The following CPT1A variants were observed in gnomAD, a reference collection of about 807,000 sequenced individuals.
CPT1A encodes the protein carnitine palmitoyltransferase 1A, also known as carnitine O-palmitoyltransferase 1, liver isoform.
Under a neutral mutation model 100.8 loss-of-function variants are expected in CPT1A, and 64 were observed. That is an observed-to-expected ratio of 0.63 (90% confidence interval 0.52 to 0.78). The LOEUF is 0.78. CPT1A is among the 30% of genes least tolerant of loss of function. The probability of loss-of-function intolerance (pLI) is 0.00; values close to 1 mark genes in which losing one functional copy is unlikely to be tolerated. For synonymous variants in CPT1A, 363 were observed against 396.0 expected (o/e 0.92, Z 0.99); for missense variants, 802 against 1,034.1 (o/e 0.78, Z 3.08).
At chr11:68,783,782 G>A (rs1221900336) in intron 10 of CPT1A, among the ~76,000 whole-genome samples, 2 of 152,200 alleles carry the variant, frequency 1.3e-5, no homozygotes, top group African/African-American at 4.8e-5. Flanking sequence ...AGAGGTACCC[G>A]GCCCTGAGTG....
At position 68,813,144 on chromosome 11, in the gene CPT1A, C is replaced by T. The variant is rs545874499; in HGVS notation, c.142-568G>A. On this transcript the variant is annotated intron_variant, in intron 2 of 18. Coordinates refer to ENST00000265641, the MANE Select transcript of CPT1A (RefSeq NM_001876.4). ...GTGGGGATCTTTAATCAGTCCTCTT[C>T]ACTCTTGTGTATGTTTGACAACTCC... Among the ~76,000 whole-genome samples the T allele has an allele frequency of 4.3e-4, 65 of 152,020 alleles. 1 individual carries two copies. Among genetic ancestry groups the T allele is most frequent in the Middle Eastern group, 3.4e-3 (1 of 292 alleles).
At chr11:68,767,975 A>C (rs1854859150) in intron 14 of CPT1A, among the ~76,000 whole-genome samples, 1 of 150,806 alleles carries the variant, frequency 6.6e-6, no homozygotes, top group Admixed American at 6.6e-5. Context: ...AGGAAGGCAC[A>C]GGCCTGTCTC....
intron 14 of CPT1A, 44 bp downstream of exon 14, chr11:68,773,221 C>A (rs772365247): frequency 5.6e-6 from 9 of 1,611,262 alleles, no homozygotes; most frequent in Admixed American, 3.3e-5. Context: ...GGTGTAGGAA[C>A]CCCCAAAGTG....
chr11:68,804,932 T>C (rs1024937644), intron 4 of CPT1A, among the ~76,000 whole-genome samples: 1 of 152,180 alleles, frequency 6.6e-6, no homozygotes. Flanking sequence ...GTCACCTCAA[T>C]GGCAACCAAA....
rs1261725492 is a variant in CPT1A, at chr11:68,755,104, T to A, written c.*2540A>T. Reference sequence around the variant, plus strand: ...ACATGTACAATAAGACCCCTCTTTCTCCCCTCAAGGAATATAAAATTGCAT... The same window carrying A: ...ACATGTACAATAAGACCCCTCTTTCACCCCTCAAGGAATATAAAATTGCAT... On this transcript the variant is annotated 3_prime_UTR_variant, in exon 19 of 19. Coordinates refer to ENST00000265641, the MANE Select transcript of CPT1A (RefSeq NM_001876.4). 14 of 478,286 alleles carry A rather than the reference T, an allele frequency of 2.9e-5. No homozygotes were observed. Among genetic ancestry groups the A allele is most frequent in the Admixed American group, 1.8e-4 (5 of 28,112 alleles). 29.6% of individuals were successfully genotyped at this position (478,286 alleles called of 1,614,324 possible).
rs144276682 is a variant in CPT1A at position 68,837,155 on chromosome 11, T to C, written c.-14+4620A>G. On this transcript the variant is annotated intron_variant, in intron 1 of 18. Transcript: ENST00000265641. ...ACCTCCAACTCCTGGGTTCAAGCGATTCCCCTGCCTCAGCCTCCCGAGTAG... is the reference window on the plus strand; with the variant it reads ...ACCTCCAACTCCTGGGTTCAAGCGACTCCCCTGCCTCAGCCTCCCGAGTAG... Among the ~76,000 whole-genome samples the C allele has an allele frequency of 7.1e-3, 1,074 of 152,276 alleles. 15 individuals carry two copies. The highest frequency in any genetic ancestry group is 0.024 in the Admixed American group (364 of 15,294).
intron 1 of CPT1A, among the ~76,000 whole-genome samples, chr11:68,830,666 C>T (rs544343590): frequency 3.3e-5 from 5 of 152,324 alleles, no homozygotes; most frequent in Non-Finnish European, 5.9e-5. Context: ...CCTGCCCCTC[C>T]GCCAGGCCCA....
chr11:68,802,397 G>A (rs564354627), intron 5 of CPT1A, among the ~76,000 whole-genome samples: 6 of 148,680 alleles, frequency 4.0e-5, no homozygotes, highest in Middle Eastern at 3.5e-3. Flanking sequence ...GGTTCAACAC[G>A]AGCCTGGACA....
At chr11:68,778,287 C>A (rs1374420052) in intron 12 of CPT1A, among the ~76,000 whole-genome samples, 1 of 151,962 alleles carries the variant, frequency 6.6e-6, no homozygotes, top group East Asian at 1.9e-4. Flanking sequence ...CAGCTGAGAC[C>A]TAAGGAAGAC....
At chr11:68,799,856 T>C (rs1855857404) in intron 5 of CPT1A, among the ~76,000 whole-genome samples, 1 of 152,130 alleles carries the variant, frequency 6.6e-6, no homozygotes, top group Non-Finnish European at 1.5e-5. Context: ...CATAGGGTAA[T>C]GATAATTTAA....
At chr11:68,809,791 A>G (rs952236471) in intron 3 of CPT1A, among the ~76,000 whole-genome samples, 3 of 152,262 alleles carry the variant, frequency 2.0e-5, no homozygotes, top group Non-Finnish European at 4.4e-5. Context: ...CAAAGAAACA[A>G]ATCTTACAAA....
At chr11:68,766,176 T>C (rs1222009810) in intron 14 of CPT1A, among the ~76,000 whole-genome samples, 1 of 151,938 alleles carries the variant, frequency 6.6e-6, no homozygotes, top group African/African-American at 2.4e-5. Context: ...ACAAGGTTAT[T>C]GTGCATAACC....
chr11:68,764,845 T>C (rs1406830611), intron 14 of CPT1A, among the ~76,000 whole-genome samples: 2 of 152,310 alleles, frequency 1.3e-5, no homozygotes, highest in East Asian at 3.9e-4. Flanking sequence ...CTAGAGACCG[T>C]GGGAGCACGC....
At chr11:68,827,319 C>A (rs535492984) in intron 1 of CPT1A, among the ~76,000 whole-genome samples, 2 of 152,100 alleles carry the variant, frequency 1.3e-5, no homozygotes, top group South Asian at 4.1e-4. Flanking sequence ...GGCGACAGAA[C>A]GAGATCTTGT....
chr11:68,785,303 GCCTGTAATC>G (rs1434590445), intron 9 of CPT1A, among the ~76,000 whole-genome samples: 15 of 152,138 alleles, frequency 9.9e-5, no homozygotes, highest in Middle Eastern at 3.4e-3. Flanking sequence ...GGTGGCTCAC[GCCTGTAATC>G]CCAGCACATT....
intron 14 of CPT1A, among the ~76,000 whole-genome samples, chr11:68,765,589 G>T (rs894379540): frequency 6.6e-6 from 1 of 152,218 alleles, no homozygotes; most frequent in East Asian, 1.9e-4. Flanking sequence ...AATGATTCAG[G>T]TTGGTAGGGC....
intron 14 of CPT1A, among the ~76,000 whole-genome samples, chr11:68,767,112 G>C (rs1439440217): frequency 6.6e-6 from 1 of 152,066 alleles, no homozygotes; most frequent in Non-Finnish European, 1.5e-5. Flanking sequence ...ACAAAGTATT[G>C]GTCGCCTGTT....
intron 1 of CPT1A, among the ~76,000 whole-genome samples, chr11:68,832,789 G>A (rs985840984): frequency 1.4e-4 from 22 of 152,168 alleles, no homozygotes; most frequent in Admixed American, 2.6e-4. Context: ...CTCCTCCAGC[G>A]GTAAACAACT....
chr11:68,794,877 G>A lies in CPT1A; in HGVS notation c.806C>T (p.Ala269Val). 6.2e-7 allele frequency: 1 copy of A among 1,614,182 alleles called. No individual in the cohort carries two copies. Among genetic ancestry groups the A allele is most frequent in the Non-Finnish European group, 8.5e-7 (1 of 1,180,028 alleles). Reference protein sequence around the residue: ...LLYILPTHIQAARAGNAIHAI... With the variant: ...LLYILPTHIQVARAGNAIHAI... Reference sequence around the variant, plus strand: ...ATGGATGGCGTTGCCGGCTCTTGCTGCCTGAATGTGAGTTGGAAGGATATA... The same window carrying A: ...ATGGATGGCGTTGCCGGCTCTTGCTACCTGAATGTGAGTTGGAAGGATATA... The change falls in exon 8 of 19, where the codon GCA becomes GTA. Residue 269 changes from alanine (A) to valine (V), a missense_variant. By Grantham distance (64) the Ala-to-Val change is moderately conservative. Transcript: ENST00000265641.
Sources: gnomAD v4.1 joint callset for allele counts (sites outside exome capture counted in the v4.1 genomes callset) on GRCh38, gnomAD v4.1.1 for gene constraint, MANE v1.5 for transcripts, NCBI Gene and HGNC (gene_info 2026-07-23, HGNC 2026-07-21) for gene names.